The following SLC6A11 variants were observed in gnomAD, a reference collection of about 807,000 sequenced individuals.
SLC6A11 encodes sodium- and chloride-dependent GABA transporter 3.
In SLC6A11, 25 loss-of-function variants were observed where a neutral mutation model predicts 74.8. The observed-to-expected ratio is 0.33, with a 90% CI of 0.24 to 0.47. The LOEUF is 0.47. SLC6A11 is among the 20% of genes least tolerant of loss of function. SLC6A11 has a pLI of 1.00. For missense variants in SLC6A11, 574 were observed against 837.0 expected, an observed-to-expected ratio of 0.69 and a Z score of 3.88; for synonymous variants, 330 against 330.2, an observed-to-expected ratio of 1.00 and a Z score of 0.01.
intron 10 of SLC6A11, among the ~76,000 whole-genome samples, 197 bp from the exon 11 acceptor site, chr3:10,932,954 C>T (rs542234162): frequency 1.3e-5 from 2 of 152,194 alleles, no homozygotes; most frequent in African/African-American, 4.8e-5. Flanking sequence ...GTCCCAGCAG[C>T]CCCCAAAGGA....
chr3:10,919,241 A>G (rs1269274720), intron 8 of SLC6A11, among the ~76,000 whole-genome samples: 1 of 152,200 alleles, frequency 6.6e-6, no homozygotes, highest in Admixed American at 6.5e-5. Flanking sequence ...TCTTTCCGTG[A>G]TTTCCATGGT....
At chr3:10,873,807 G>GCTATCCTATCCTATC (rs1216313078) in intron 5 of SLC6A11, among the ~76,000 whole-genome samples, 2 of 131,942 alleles carry the variant, frequency 1.5e-5, no homozygotes, top group South Asian at 2.3e-4. Flanking sequence ...CCTATCCTAT[G>GCTATCCTATCCTATC]CTATCCTATC....
intron 4 of SLC6A11, among the ~76,000 whole-genome samples, chr3:10,843,952 C>T (rs142445293): frequency 1.5e-3 from 230 of 152,318 alleles, no homozygotes; most frequent in African/African-American, 5.3e-3. Flanking sequence ...CATCCTCCAT[C>T]GGAGCCCTTT....
At chr3:10,826,971 G>T (rs1415871154) in intron 4 of SLC6A11, among the ~76,000 whole-genome samples, 1 of 152,230 alleles carries the variant, frequency 6.6e-6, no homozygotes, top group African/African-American at 2.4e-5. Context: ...TTTCTATTCA[G>T]ATTGCATCTC....
intron 6 of SLC6A11, among the ~76,000 whole-genome samples, chr3:10,903,491 T>C (rs1695265755): frequency 6.6e-6 from 1 of 152,228 alleles, no homozygotes; most frequent in Non-Finnish European, 1.5e-5. Context: ...GCTTGTTGTC[T>C]GTGTCTCCCG....
At chr3:10,842,597 C>G (rs1249684100) in intron 4 of SLC6A11, among the ~76,000 whole-genome samples, 4 of 152,208 alleles carry the variant, frequency 2.6e-5, no homozygotes, top group Non-Finnish European at 5.9e-5. Context: ...TGGCTGCCTC[C>G]TTTCTTTCAT....
At chr3:10,871,841 G>A (rs1199645864) in intron 5 of SLC6A11, among the ~76,000 whole-genome samples, 2 of 152,182 alleles carry the variant, frequency 1.3e-5, no homozygotes, top group Admixed American at 6.5e-5. Context: ...TTGGAAACAG[G>A]GATGCAGAAA....
intron 4 of SLC6A11, among the ~76,000 whole-genome samples, chr3:10,837,927 G>A (rs1694387927): frequency 6.6e-6 from 1 of 152,242 alleles, no homozygotes; most frequent in South Asian, 2.1e-4. Flanking sequence ...CCTTGGCGGG[G>A]GCCAGGAAAG....
intron 8 of SLC6A11, among the ~76,000 whole-genome samples, chr3:10,923,504 C>T (rs1392357043): frequency 6.6e-6 from 1 of 152,116 alleles, no homozygotes; most frequent in Non-Finnish European, 1.5e-5. Context: ...CAGGAGTCCA[C>T]ATTCACATAT....
In SLC6A11 at chr3:10,938,947, C is replaced by A. The variant is rs912373187; in HGVS notation, c.*545C>A. 3 of 152,296 alleles carry A rather than the reference C, an allele frequency of 2.0e-5. No homozygotes were observed. The highest frequency in any genetic ancestry group is 6.5e-5 in the Admixed American group (1 of 15,292). The allele number at this position is 152,296 out of a possible 1,614,324, so 9.4% of individuals were successfully genotyped here. On this transcript the variant is annotated 3_prime_UTR_variant, in exon 14 of 14. Transcript: ENST00000254488. Reference sequence around the variant, plus strand: ...GTCCAGCAGACTCAGGACTCCTGGGCTGCAGGCCCCCCTCTGCCCTGATCC... The same window carrying A: ...GTCCAGCAGACTCAGGACTCCTGGGATGCAGGCCCCCCTCTGCCCTGATCC...
At position 10,918,530 on chromosome 3, in the gene SLC6A11, T is replaced by C. The variant is rs1479244583; in HGVS notation, c.1120+77T>C. 5.3e-6 allele frequency: 8 copies of C among 1,502,802 alleles called. No individual in the cohort carries two copies. Among genetic ancestry groups the C allele is most frequent in the Non-Finnish European group, 7.2e-6 (8 of 1,115,860 alleles). The allele number at this position is 1,502,802 out of a possible 1,614,324, so 93.1% of individuals were successfully genotyped here. On this transcript the variant is annotated intron_variant, in intron 8 of 13. Transcript: ENST00000254488. The surrounding 1 kb of genome is among the most constrained non-coding windows in gnomAD (Gnocchi z 4.5). ...GATGGTCATCATGGAAATGCGATCTTCCTCCTCGGCTCACACATCTCCTGG... is the reference window on the plus strand; with the variant it reads ...GATGGTCATCATGGAAATGCGATCTCCCTCCTCGGCTCACACATCTCCTGG...
intron 6 of SLC6A11, among the ~76,000 whole-genome samples, chr3:10,907,422 A>G (rs1202444844): frequency 6.6e-6 from 1 of 152,226 alleles, no homozygotes; most frequent in African/African-American, 2.4e-5. Context: ...AAGGTCCAAC[A>G]TACATACGAG....
rs567970964 is a variant in SLC6A11 at position 10,914,167 on chromosome 3, G to A, written c.995+1974G>A. Among the ~76,000 whole-genome samples, 5 of 152,234 alleles carry A rather than the reference G, an allele frequency of 3.3e-5. No individual in the cohort carries two copies. The East Asian group carries it at 5.8e-4, about 18-fold the overall frequency. On this transcript the variant is annotated intron_variant, in intron 7 of 13. Transcript: ENST00000254488. ...CCATGCATTTGAAAGAACTTTCACC[G>A]GTGATAGCGTCCCTCCCACATTACC...
intron 4 of SLC6A11, among the ~76,000 whole-genome samples, chr3:10,825,678 C>T (rs1375861187): frequency 2.6e-5 from 4 of 151,952 alleles, no homozygotes; most frequent in Non-Finnish European, 5.9e-5. Context: ...AGTTTTTTTT[C>T]ATATTTAGGA....
intron 5 of SLC6A11, among the ~76,000 whole-genome samples, chr3:10,866,099 G>A (rs1412421183): frequency 2.6e-5 from 4 of 152,178 alleles, no homozygotes; most frequent in Non-Finnish European, 4.4e-5. Flanking sequence ...CCAGTTTCAG[G>A]GACCCAGACT....
chr3:10,929,393 C>G, intron 10 of SLC6A11, 54 bp downstream of exon 10: 3 of 1,596,200 alleles, frequency 1.9e-6, no homozygotes, highest in Non-Finnish European at 2.6e-6. Context: ...GACGTCAACT[C>G]CCAGCTCTAA....
intron 11 of SLC6A11, 125 bp downstream of exon 11, chr3:10,933,378 T>A (rs1695716762): frequency 2.9e-6 from 2 of 684,004 alleles, no homozygotes; most frequent in East Asian, 5.0e-5. Context: ...CTCTTCTTAC[T>A]CTTCAGGGAT....
At chr3:10,873,524 C>G (rs376438945) in intron 5 of SLC6A11, among the ~76,000 whole-genome samples, 15 of 143,084 alleles carry the variant, frequency 1.0e-4, no homozygotes, top group East Asian at 4.8e-4. Flanking sequence ...GCCATGCCAT[C>G]CTATCCTGTC....
intron 6 of SLC6A11, among the ~76,000 whole-genome samples, chr3:10,892,429 C>G (rs1695117511): frequency 6.6e-6 from 1 of 152,172 alleles, no homozygotes; most frequent in African/African-American, 2.4e-5. Flanking sequence ...TCCCAGGAGG[C>G]ACTGTTGCAT....
Sources: gnomAD v4.1 joint callset for allele counts (sites outside exome capture counted in the v4.1 genomes callset) on GRCh38, gnomAD v4.1.1 for gene constraint, Gnocchi (gnomAD v3.1) non-coding constraint, MANE v1.5 for transcripts, NCBI Gene and HGNC (gene_info 2026-07-23, HGNC 2026-07-21) for gene names.